The following PARD3 variants were observed in gnomAD, a reference collection of about 807,000 sequenced individuals.
PARD3 encodes the protein par-3 family cell polarity regulator.
A neutral mutation model predicts 155.4 loss-of-function variants in PARD3; 75 were observed. The observed-to-expected ratio is 0.48, with a 90% CI of 0.40 to 0.58. PARD3 has a LOEUF of 0.58. PARD3 is among the 20% of genes least tolerant of loss of function. The pLI, the probability that PARD3 is intolerant of heterozygous loss-of-function variation, is 0.00. For missense variants in PARD3, 1,642 were observed against 1,721.7 expected, an observed-to-expected ratio of 0.95 and a Z score of 0.82; for synonymous variants, 576 against 610.5, an observed-to-expected ratio of 0.94 and a Z score of 0.83.
intron 22 of PARD3, among the ~76,000 whole-genome samples, chr10:34,176,833 C>A (rs1589027137): frequency 6.6e-6 from 1 of 152,170 alleles, no homozygotes; most frequent in East Asian, 1.9e-4. Flanking sequence ...AATGACAAAG[C>A]CACTGAACTC....
chr10:34,202,247 A>G (rs1039768877), intron 22 of PARD3, among the ~76,000 whole-genome samples: 1 of 152,076 alleles, frequency 6.6e-6, no homozygotes, highest in Non-Finnish European at 1.5e-5. Context: ...TAATTTTTAA[A>G]TCTTTTATAA....
chr10:34,515,472 AG>A (rs1390807465), intron 3 of PARD3, among the ~76,000 whole-genome samples: 1 of 152,240 alleles, frequency 6.6e-6, no homozygotes, highest in Non-Finnish European at 1.5e-5. Flanking sequence ...AAGCAATTGT[AG>A]GAAGTGGTTA....
At chr10:34,203,889 G>T (rs1951336776) in intron 22 of PARD3, among the ~76,000 whole-genome samples, 1 of 152,208 alleles carries the variant, frequency 6.6e-6, no homozygotes, top group African/African-American at 2.4e-5. Flanking sequence ...AAGACATTTT[G>T]TTCATGTGCA....
At chr10:34,410,838 G>C (rs1309620927) in intron 5 of PARD3, among the ~76,000 whole-genome samples, 4 of 152,138 alleles carry the variant, frequency 2.6e-5, no homozygotes, top group Admixed American at 6.5e-5. Flanking sequence ...AGTGAGTCTT[G>C]CTTACTGCCA....
At chr10:34,532,807 T>G (rs1183848424) in intron 2 of PARD3, among the ~76,000 whole-genome samples, 3 of 152,234 alleles carry the variant, frequency 2.0e-5, no homozygotes, top group African/African-American at 7.2e-5. Context: ...CACTGAAAGA[T>G]CTCTTCCAGT....
rs577826718 is a variant in PARD3, at chr10:34,223,422, A to G, written c.3419+46235T>C. Among the ~76,000 whole-genome samples, 31 of 152,344 alleles carry G rather than the reference A, an allele frequency of 2.0e-4. No homozygotes were observed. In the East Asian group the frequency reaches 5.6e-3, roughly 27 times the overall value. ...AATTAAGGGAACTTGAAAACAGGTT[A>G]TATATTAGATACTATTGAATCAGTG... is the stretch of plus-strand genomic sequence containing the variant. On this transcript the variant is annotated intron_variant, in intron 22 of 24. Coordinates refer to ENST00000374788, the MANE Select transcript of PARD3 (RefSeq NM_001184785.2).
Position 34,216,367 on chromosome 10 carries a change from A to G in PARD3, c.3419+53290T>C, listed in dbSNP as rs114881691. On this transcript the variant is annotated intron_variant, in intron 22 of 24. Transcript: ENST00000374788. ...CAAATTTGTAAGCAACATTTTAGAC[A>G]GCAAATATGTTGCTTGGATTTTAGC... Among the ~76,000 whole-genome samples, 1,016 of 152,376 alleles carry G rather than the reference A, an allele frequency of 6.7e-3. 9 individuals carry two copies. Among genetic ancestry groups the G allele is most frequent in the African/African-American group, 0.024 (988 of 41,594 alleles).
Position 34,374,878 on chromosome 10 carries a change from T to C in PARD3, c.1664A>G (p.Glu555Gly), listed in dbSNP as rs913278596. 3 of 1,613,914 alleles carry C rather than the reference T, an allele frequency of 1.9e-6. No individual in the cohort carries two copies. The highest frequency in any genetic ancestry group is 2.5e-6 in the Non-Finnish European group (3 of 1,179,888). The change falls in exon 11 of 25, where the codon GAA (glutamate) becomes GGA (glycine). Residue 555 changes from glutamate (E) to glycine (G), a missense_variant. By Grantham distance (98) the Glu-to-Gly change is moderately conservative (BLOSUM62 -2). Transcript: ENST00000374788. ...ATCTACTCTAAATTTACACACCAGT[T>C]CCCTTGGGTGGAAGGCGTCTTCCTG... ...FRQEDAFHPR[E>G]LNAEPSQMQI...
intron 1 of PARD3, among the ~76,000 whole-genome samples, chr10:34,767,893 C>T (rs553788059): frequency 2.0e-4 from 30 of 151,782 alleles, no homozygotes; most frequent in African/African-American, 6.8e-4. Flanking sequence ...CACTGCACCC[C>T]AGCCTGGGTA....
At chr10:34,570,245 T>C (rs2086282209) in intron 2 of PARD3, among the ~76,000 whole-genome samples, 1 of 152,238 alleles carries the variant, frequency 6.6e-6, no homozygotes, top group Non-Finnish European at 1.5e-5. Flanking sequence ...TGCTTGGCAA[T>C]GTGTGTCTTC....
intron 22 of PARD3, among the ~76,000 whole-genome samples, chr10:34,266,229 T>A (rs1296909203): frequency 1.3e-5 from 2 of 149,016 alleles, no homozygotes; most frequent in Non-Finnish European, 1.5e-5. Flanking sequence ...TGTCTTTCTA[T>A]AAAAAAAAAA....
chr10:34,806,062 G>A (rs12258299), intron 1 of PARD3, among the ~76,000 whole-genome samples: 2,583 of 151,620 alleles, frequency 0.017, 66 homozygotes, highest in African/African-American at 0.059. Flanking sequence ...ACAGAGTCTC[G>A]CTGTGTCACC....
At chr10:34,355,128 G>A (rs981014352) in intron 14 of PARD3, among the ~76,000 whole-genome samples, 6 of 152,126 alleles carry the variant, frequency 3.9e-5, no homozygotes, top group Admixed American at 1.3e-4. Flanking sequence ...TTGAGCCCAG[G>A]AGTTTAAAAC....
intron 5 of PARD3, among the ~76,000 whole-genome samples, chr10:34,430,178 T>C (rs1251317278): frequency 6.6e-6 from 1 of 152,278 alleles, no homozygotes; most frequent in Non-Finnish European, 1.5e-5. Context: ...TTATTGGCTA[T>C]ATGGTATTTT....
At chr10:34,685,271 TATG>T (rs1472711091) in intron 2 of PARD3, among the ~76,000 whole-genome samples, 1 of 152,202 alleles carries the variant, frequency 6.6e-6, no homozygotes, top group Non-Finnish European at 1.5e-5. Context: ...AAGTAGGATT[TATG>T]ATAAGGTATG....
intron 2 of PARD3, among the ~76,000 whole-genome samples, chr10:34,565,083 T>C (rs2085812845): frequency 1.3e-5 from 2 of 151,234 alleles, no homozygotes; most frequent in Non-Finnish European, 2.9e-5. Context: ...GTCTATAAAA[T>C]GAATAACATT....
intron 12 of PARD3, among the ~76,000 whole-genome samples, chr10:34,364,472 C>T (rs1341995684): frequency 6.6e-6 from 1 of 151,822 alleles, no homozygotes; most frequent in Admixed American, 6.6e-5. Context: ...CTCTGTCATC[C>T]AGGCTGGAGT....
Position 34,382,612 on chromosome 10 carries a change from A to G in PARD3, c.1327T>C (p.Phe443Leu). The part of the protein sequence containing the change: ...SAPASAPQNV[F>L]STTVSSGYNT... ...TAACCACTGCTTACAGTCGTACTAA[A>G]TACATTCTGAGGTGCCGAGGCTGGA... The change falls in exon 9 of 25, where the codon TTT (phenylalanine) becomes CTT (leucine). Residue 443 changes from phenylalanine to leucine, a missense_variant. Transcript: ENST00000374788. The G allele has an allele frequency of 6.2e-7, 1 of 1,614,040 alleles. No homozygotes were observed. The highest frequency in any genetic ancestry group is 8.5e-7 in the Non-Finnish European group (1 of 1,180,018).
intron 2 of PARD3, among the ~76,000 whole-genome samples, chr10:34,683,410 A>G (rs979030861): frequency 4.0e-5 from 6 of 151,172 alleles, no homozygotes; most frequent in East Asian, 1.9e-4. Context: ...CAAACAAAAA[A>G]CTCGTAAGAT....
Sources: allele counts gnomAD v4.1 joint callset (sites outside exome capture counted in the v4.1 genomes callset), GRCh38; gene constraint gnomAD v4.1.1; transcripts MANE v1.5; gene names NCBI Gene and HGNC (gene_info 2026-07-23, HGNC 2026-07-21).